The following SPTBN4 variants were observed in gnomAD, a reference collection of about 807,000 sequenced individuals.
SPTBN4 encodes spectrin beta, non-erythrocytic 4.
Under a neutral mutation model 277.8 loss-of-function variants are expected in SPTBN4, and 96 were observed. The observed-to-expected ratio is 0.35, with a 90% confidence interval of 0.29 to 0.41. The LOEUF (loss-of-function observed/expected upper bound fraction) is 0.41, where lower values mean the gene tolerates loss of function less well. Among genes scored for constraint, SPTBN4 ranks in the 10% least tolerant of loss-of-function variants. The pLI, the probability that SPTBN4 is intolerant of heterozygous loss-of-function variation, is 1.00. For missense variants in SPTBN4, 3,006 were observed against 3,595.7 expected, an observed-to-expected ratio of 0.84 and a Z score of 4.19; for synonymous variants, 1,481 against 1,580.3, an observed-to-expected ratio of 0.94 and a Z score of 1.49.
At chr19:40,555,967 C>T in intron 24 of SPTBN4, 117 bp from the exon 25 acceptor site, 1 of 850,112 alleles carries the variant, frequency 1.2e-6, no homozygotes, top group East Asian at 2.7e-5. Flanking sequence ...GGGGACACAG[C>T]CGTGTCTGAA....
chr19:40,524,820 C>G (rs1254662192), intron 17 of SPTBN4, among the ~76,000 whole-genome samples: 1 of 152,244 alleles, frequency 6.6e-6, no homozygotes, highest in Non-Finnish European at 1.5e-5. Flanking sequence ...CTCTTGCCAC[C>G]ACTCTCTTGT....
At chr19:40,542,079 G>A (rs1234995106) in intron 20 of SPTBN4, among the ~76,000 whole-genome samples, 1 of 151,986 alleles carries the variant, frequency 6.6e-6, no homozygotes, top group South Asian at 2.1e-4. Context: ...GAGCCACCAC[G>A]CCCGGCTAAT....
Position 40,567,827 on chromosome 19 carries a change from G to A in SPTBN4, c.6501G>A (p.Thr2167=), listed in dbSNP as rs1251100344. The change falls in exon 31 of 36, where the codon ACG becomes ACA. Residue 2167 remains threonine (T), a synonymous_variant. Transcript: ENST00000598249. ...CCCTGGCCCGCCGAGCCTCGGACACGCTCTCGGCCGAGGTGCGGACTCGGG... is the reference window on the plus strand; with the variant it reads ...CCCTGGCCCGCCGAGCCTCGGACACACTCTCGGCCGAGGTGCGGACTCGGG... ...LEPLARRASD[T]LSAEVRTRVG... is the part of the protein sequence containing the mutation. 4.5e-5 allele frequency: 68 copies of A among 1,520,310 alleles called. No homozygotes were observed. The highest frequency in any genetic ancestry group is 5.6e-5 in the Non-Finnish European group (63 of 1,132,868). The allele number at this position is 1,520,310 out of a possible 1,614,324, so 94.2% of individuals were successfully genotyped here.
At position 40,566,355 on chromosome 19, in the gene SPTBN4, C is replaced by T. The variant is rs772020950; in HGVS notation, c.6332C>T (p.Thr2111Ile). Residue 2111 changes from threonine to isoleucine, a missense_variant, in exon 30 of 36, where the codon ACC becomes ATC. Around this residue, in one of 5 missense-constraint regions of SPTBN4, gnomAD observed 630 missense variants for 677.6 expected, o/e 0.93. Coordinates refer to ENST00000598249, the MANE Select transcript of SPTBN4 (RefSeq NM_020971.3). ...EERFSSLRRLTTIEKIKAEQS... is the reference protein window; with the variant it reads ...EERFSSLRRLITIEKIKAEQS... ...AGGTTCAGCTCTCTGCGGCGCCTGA[C>T]CACGGTCAGCTCCCCAGATACTGCC... 27 of 1,544,550 alleles carry T rather than the reference C, an allele frequency of 1.7e-5. No homozygotes were observed. Among genetic ancestry groups the T allele is most frequent in the African/African-American group, 2.7e-5 (2 of 73,544 alleles).
intron 20 of SPTBN4, among the ~76,000 whole-genome samples, chr19:40,546,261 A>AAAAAG (rs903829749): frequency 6.6e-6 from 1 of 151,906 alleles, no homozygotes; most frequent in East Asian, 1.9e-4. Flanking sequence ...AAAGAAAAGA[A>AAAAAG]AAAAGAAAAG....
intron 2 of SPTBN4, among the ~76,000 whole-genome samples, chr19:40,477,483 G>A (rs1357660037): frequency 6.6e-6 from 1 of 152,110 alleles, no homozygotes; most frequent in African/African-American, 2.4e-5. Flanking sequence ...AGAGAGATCC[G>A]GTTAGACAAT....
In SPTBN4 at chr19:40,568,279, A is replaced by G; in HGVS notation, c.6953A>G (p.Lys2318Arg). 1 of 1,602,284 alleles carries G rather than the reference A, an allele frequency of 6.2e-7. No individual in the cohort carries two copies. The highest frequency in any genetic ancestry group is 8.5e-7 in the Non-Finnish European group (1 of 1,174,568). The change falls in exon 31 of 36, where the codon AAG (lysine) becomes AGG (arginine). Residue 2318 changes from lysine to arginine, a missense_variant. Lys to Arg is a conservative substitution (Grantham distance 26, BLOSUM62 2). This residue lies in a region of SPTBN4 where 630 missense variants were observed against 677.6 expected (regional missense o/e 0.93). Transcript: ENST00000598249. Reference sequence around the variant, plus strand: ...ATGCCCATCAGAGGAGACCTGGTCAAGGGGTGAGGTGCCCGCCTTATGACC... The same window carrying G: ...ATGCCCATCAGAGGAGACCTGGTCAGGGGGTGAGGTGCCCGCCTTATGACC... ...QEMPIRGDLV[K>R]GKATLADIVE...
At chr19:40,572,219 G>A in intron 34 of SPTBN4, 27 bp downstream of exon 34, 2 of 1,594,418 alleles carry the variant, frequency 1.3e-6, no homozygotes, top group Admixed American at 1.7e-5. Flanking sequence ...GCAGGAGGGA[G>A]GGATCCAAGG....
intron 17 of SPTBN4, among the ~76,000 whole-genome samples, chr19:40,525,835 G>A (rs571563002): frequency 1.1e-4 from 17 of 152,302 alleles, no homozygotes; most frequent in East Asian, 3.9e-4. Flanking sequence ...ACGTGCAGCC[G>A]CTGTGGGAGA....
chr19:40,511,405 C>CTCAA (rs1362093622), intron 13 of SPTBN4, among the ~76,000 whole-genome samples: 1 of 152,282 alleles, frequency 6.6e-6, no homozygotes, highest in African/African-American at 2.4e-5. Flanking sequence ...GAGACTCTGT[C>CTCAA]TCAATCAAAC....
Position 40,519,902 on chromosome 19 carries a change from C to T in SPTBN4, c.3405C>T (p.Leu1135=). The change falls in exon 16 of 36, where the codon CTC becomes CTT. Residue 1135 remains leucine (L), a synonymous_variant. Coordinates refer to ENST00000598249, the MANE Select transcript of SPTBN4 (RefSeq NM_020971.3). This position sits in a 1 kb window ranked among gnomAD's most constrained non-coding sequence, Gnocchi z 5.7. ...ADALLARHAA[L]KEEVDQREED... ...CGCTGCTGGCGCGCCACGCTGCGCT[C>T]AAGGAGGAGGTGGACCAGCGCGAGG... 6.5e-7 allele frequency: 1 copy of T among 1,541,838 alleles called. No homozygotes were observed. Among genetic ancestry groups the T allele is most frequent in the Middle Eastern group, 1.7e-4 (1 of 5,760 alleles).
rs751664387 is a variant in SPTBN4, at chr19:40,504,055, C to A, written c.1588C>A (p.Arg530=). ...TGGGCTTGTGGGTGCCCGGCGGACA[C>A]GACTTGAGCAGAACCTTGCCCTGCA... The part of the protein sequence containing the change: ...LTGLVGARRT[R]LEQNLALQKV... Residue 530 remains arginine (R), a synonymous_variant, in exon 12 of 36, where the codon CGA becomes AGA. Coordinates refer to ENST00000598249, the MANE Select transcript of SPTBN4 (RefSeq NM_020971.3). 6.2e-7 allele frequency: 1 copy of A among 1,611,182 alleles called. No homozygotes were observed. Among genetic ancestry groups the A allele is most frequent in the Non-Finnish European group, 8.5e-7 (1 of 1,178,554 alleles).
intron 17 of SPTBN4, among the ~76,000 whole-genome samples, chr19:40,527,593 G>A (rs2080608065): frequency 6.6e-6 from 1 of 152,242 alleles, no homozygotes; most frequent in Non-Finnish European, 1.5e-5. Context: ...TCTTTGAGTA[G>A]ATGTTGGGGG....
chr19:40,521,370 C>T (rs1377445558), intron 16 of SPTBN4, among the ~76,000 whole-genome samples: 2 of 152,162 alleles, frequency 1.3e-5, no homozygotes, highest in African/African-American at 2.4e-5. Context: ...TACATTATAA[C>T]ATATAATGAA....
At chr19:40,539,417 C>G (rs1458791185) in intron 20 of SPTBN4, among the ~76,000 whole-genome samples, 1 of 152,258 alleles carries the variant, frequency 6.6e-6, no homozygotes, top group East Asian at 1.9e-4. Flanking sequence ...GGGTCAAGCC[C>G]TGGCTCTGTG....
chr19:40,515,852 G>GTC lies in SPTBN4; in HGVS notation c.2903+414_2903+415dup, dbSNP rs1198277223. On this transcript the variant is annotated intron_variant, in intron 15 of 35. Transcript: ENST00000598249. The surrounding 1 kb of genome is among the most constrained non-coding windows in gnomAD (Gnocchi z 4.1). ...AGCCTGGGCAACATGGTGAAACCCC[G>GTC]TCTCTCTCTCTACGTGCGCGCACAC... Among the ~76,000 whole-genome samples the GTC allele has an allele frequency of 2.9e-4, 43 of 145,816 alleles. No individual in the cohort carries two copies. Among genetic ancestry groups the GTC allele is most frequent in the Non-Finnish European group, 4.5e-4 (30 of 66,616 alleles).
rs778626211 is a variant in SPTBN4 at position 40,560,513 on chromosome 19, G to T, written c.5915+110G>T. The T allele has an allele frequency of 1.3e-6, 2 of 1,583,828 alleles. No individual in the cohort carries two copies. The highest frequency in any genetic ancestry group is 1.7e-6 in the Non-Finnish European group (2 of 1,163,522). On this transcript the variant is annotated intron_variant, in intron 27 of 35. Transcript: ENST00000598249. This position sits in a 1 kb window ranked among gnomAD's most constrained non-coding sequence, Gnocchi z 5.2. ...AATGGAATGACAACAGCCAATATCT[G>T]TGTGGCGCCTCTGTGTGCTAGGCAC...
chr19:40,504,043 G>C lies in SPTBN4; in HGVS notation c.1576G>C (p.Ala526Pro), dbSNP rs776277349. 1 of 1,613,108 alleles carries C rather than the reference G, an allele frequency of 6.2e-7. No homozygotes were observed. The change falls in exon 12 of 36, where the codon GCC (alanine) becomes CCC (proline). Residue 526 changes from alanine to proline, a missense_variant. Coordinates refer to ENST00000598249, the MANE Select transcript of SPTBN4 (RefSeq NM_020971.3). The stretch of plus-strand genomic sequence containing the variant: ...GGCCCTGCTAACTGGGCTTGTGGGT[G>C]CCCGGCGGACACGACTTGAGCAGAA... ...QWALLTGLVG[A>P]RRTRLEQNLA...
intron 7 of SPTBN4, among the ~76,000 whole-genome samples, chr19:40,499,634 C>T (rs748427689): frequency 2.6e-5 from 4 of 151,680 alleles, no homozygotes; most frequent in Non-Finnish European, 5.9e-5. Context: ...TGGACTCAAG[C>T]GATCCTCCCA....
Sources: gnomAD v4.1 joint callset for allele counts (sites outside exome capture counted in the v4.1 genomes callset) on GRCh38, gnomAD v4.1.1 for gene constraint, gnomAD v4.1.1 regional missense constraint, Gnocchi (gnomAD v3.1) non-coding constraint, MANE v1.5 for transcripts, NCBI Gene and HGNC (gene_info 2026-07-23, HGNC 2026-07-21) for gene names.